The following ASH1L variants were observed in gnomAD, a reference collection of about 807,000 sequenced individuals.
The protein encoded by ASH1L is histone-lysine N-methyltransferase ASH1L.
ASH1L carries 23 observed loss-of-function variants against 269.0 expected under a neutral mutation model. The ratio of observed to expected loss-of-function variants is 0.09; its 90% CI spans 0.06 to 0.12. The LOEUF is 0.12. Ranked by LOEUF, ASH1L falls within the 10% of genes least tolerant of loss-of-function variation. The pLI, the probability that ASH1L is intolerant of heterozygous loss-of-function variation, is 1.00. For missense variants in ASH1L, 2,912 were observed against 3,567.8 expected (o/e 0.82, Z 4.68); for synonymous variants, 1,187 against 1,253.5 (o/e 0.95, Z 1.12).
intron 1 of ASH1L, among the ~76,000 whole-genome samples, chr1:155,524,514 TC>T (rs1048897130): frequency 8.7e-6 from 1 of 115,518 alleles, no homozygotes; most frequent in Admixed American, 1.0e-4. Context: ...AAAGCAAGAC[TC>T]CGTCTCAAAA....
intron 1 of ASH1L, among the ~76,000 whole-genome samples, chr1:155,522,087 C>A (rs1438797315): frequency 6.6e-6 from 1 of 152,192 alleles, no homozygotes; most frequent in African/African-American, 2.4e-5. Context: ...CCTGCATCAA[C>A]ATATCACGTT....
intron 1 of ASH1L, among the ~76,000 whole-genome samples, chr1:155,537,371 G>T (rs1571099885): frequency 6.6e-6 from 1 of 152,110 alleles, no homozygotes; most frequent in South Asian, 2.1e-4. Context: ...CCTACTAGGC[G>T]CCATACACTA....
In ASH1L at chr1:155,336,736, T is replaced by C. The variant is rs1326486456; in HGVS notation, c.*924A>G. 6.6e-6 allele frequency: 1 copy of C among 152,366 alleles called. No homozygotes were observed. The highest frequency in any genetic ancestry group is 1.5e-5 in the Non-Finnish European group (1 of 68,028). 9.4% of individuals were successfully genotyped at this position (152,366 alleles called of 1,614,324 possible). Reference sequence around the variant, plus strand: ...ATTGATAATCTATACTCACAACAAATACTCTGATAGGTGAATACTGCTGAA... The same window carrying C: ...ATTGATAATCTATACTCACAACAAACACTCTGATAGGTGAATACTGCTGAA... On this transcript the variant is annotated 3_prime_UTR_variant, in exon 28 of 28. Transcript: ENST00000392403.
chr1:155,457,086 A>G (rs778836769), intron 4 of ASH1L, among the ~76,000 whole-genome samples: 7 of 152,210 alleles, frequency 4.6e-5, no homozygotes, highest in Non-Finnish European at 8.8e-5. Context: ...CCTAGAGGGA[A>G]GGCAACATGG....
At chr1:155,485,986 A>G (rs762482739) in intron 2 of ASH1L, among the ~76,000 whole-genome samples, 34 of 152,344 alleles carry the variant, frequency 2.2e-4, no homozygotes, top group Non-Finnish European at 7.4e-5. Flanking sequence ...TCCTAAGAGT[A>G]AAGTGAAATA....
intron 5 of ASH1L, chr1:155,433,613 G>T: frequency 6.2e-7 from 1 of 1,609,384 alleles, no homozygotes; most frequent in Non-Finnish European, 8.5e-7. Flanking sequence ...TCTGCAGAAA[G>T]AACTCGAACA....
At position 155,521,359 on chromosome 1, in the gene ASH1L, C is replaced by T. The variant is rs1416735817; in HGVS notation, c.161G>A (p.Arg54Gln). 1.9e-6 allele frequency: 3 copies of T among 1,614,110 alleles called. No homozygotes were observed. Among genetic ancestry groups the T allele is most frequent in the Non-Finnish European group, 2.5e-6 (3 of 1,180,014 alleles). ...TTTCCCAGCTTCGATGTTTCTTTCTCGATTCCGTTTGCGAAGGTCCTCTTC... is the reference window on the plus strand; with the variant it reads ...TTTCCCAGCTTCGATGTTTCTTTCTTGATTCCGTTTGCGAAGGTCCTCTTC... ...KEEEDLRKRNRERNIEAGKDD... is the reference protein window; with the variant it reads ...KEEEDLRKRNQERNIEAGKDD... Residue 54 changes from arginine to glutamine, a missense_variant, in exon 2 of 28, where the codon CGA (arginine) becomes CAA (glutamine). This residue lies in a region of ASH1L where 115 missense variants were observed against 101.5 expected (regional missense o/e 1.13). Transcript: ENST00000392403.
At chr1:155,520,704 AAC>A (rs1056130994) in intron 2 of ASH1L, among the ~76,000 whole-genome samples, 3 of 151,866 alleles carry the variant, frequency 2.0e-5, no homozygotes, top group Non-Finnish European at 4.4e-5. Flanking sequence ...CTCTACTAAA[AAC>A]ACAAAATTAG....
chr1:155,556,064 A>G (rs1427680602), intron 1 of ASH1L, among the ~76,000 whole-genome samples: 1 of 152,136 alleles, frequency 6.6e-6, no homozygotes, highest in Non-Finnish European at 1.5e-5. Flanking sequence ...CTTTATTTCT[A>G]TATATGTTTG....
intron 1 of ASH1L, among the ~76,000 whole-genome samples, chr1:155,543,675 T>C (rs1462513729): frequency 6.6e-6 from 1 of 152,044 alleles, no homozygotes; most frequent in Admixed American, 6.6e-5. Flanking sequence ...CTCACATCTA[T>C]AATCCCAGCA....
chr1:155,506,940 A>G (rs1258495207), intron 2 of ASH1L, among the ~76,000 whole-genome samples: 1 of 152,104 alleles, frequency 6.6e-6, no homozygotes, highest in African/African-American at 2.4e-5. Flanking sequence ...AAAAAGAAAA[A>G]TATTTAACTT....
chr1:155,508,869 A>T (rs773994575), intron 2 of ASH1L, among the ~76,000 whole-genome samples: 5 of 152,160 alleles, frequency 3.3e-5, no homozygotes, highest in Non-Finnish European at 5.9e-5. Flanking sequence ...GCACAATAAT[A>T]CAGTGGGTAA....
intron 7 of ASH1L, among the ~76,000 whole-genome samples, chr1:155,395,155 ACTC>A (rs1414107370): frequency 6.6e-6 from 1 of 151,912 alleles, no homozygotes; most frequent in Non-Finnish European, 1.5e-5. Flanking sequence ...CAGGCCATCA[ACTC>A]CTGGGCTCAA....
At chr1:155,437,561 T>G (rs1375217863) in intron 5 of ASH1L, among the ~76,000 whole-genome samples, 2 of 152,088 alleles carry the variant, frequency 1.3e-5, no homozygotes, top group Non-Finnish European at 2.9e-5. Flanking sequence ...CTCAAAAAAT[T>G]AAAAATAGAA....
chr1:155,357,505 T>C, intron 14 of ASH1L, 80 bp downstream of exon 14: 1 of 1,598,136 alleles, frequency 6.3e-7, no homozygotes, highest in Non-Finnish European at 8.6e-7. Context: ...TGCCACCCTC[T>C]GGTAATTCCC....
chr1:155,436,182 TTTTA>T (rs539380944), intron 5 of ASH1L, among the ~76,000 whole-genome samples: 1 of 152,118 alleles, frequency 6.6e-6, no homozygotes, highest in African/African-American at 2.4e-5. Context: ...ACAGTTTTAT[TTTTA>T]TTTATTTATT....
chr1:155,502,076 T>C lies in ASH1L; in HGVS notation c.420+19024A>G, dbSNP rs186496044. ...GTTTTCTTTTCTTTTCTTTTCTTTT[T>C]TTTTTTTTTTTTGAGACAGAGTCTC... On this transcript the variant is annotated intron_variant, in intron 2 of 27. Coordinates refer to ENST00000392403, the MANE Select transcript of ASH1L (RefSeq NM_018489.3). 5.7e-4 allele frequency among the ~76,000 whole-genome samples: 80 copies of C among 139,798 alleles called. 1 individual carries two copies. Among genetic ancestry groups the C allele is most frequent in the African/African-American group, 1.6e-3 (65 of 40,074 alleles). The allele number at this position is 139,798 out of a possible 152,430, so 91.7% of individuals were successfully genotyped here.
intron 6 of ASH1L, among the ~76,000 whole-genome samples, chr1:155,404,838 GC>G (rs1291975564): frequency 6.6e-6 from 1 of 151,598 alleles, no homozygotes; most frequent in African/African-American, 2.4e-5. Flanking sequence ...GACCGTCCTG[GC>G]CAACACGGTG....
At chr1:155,517,565 A>G (rs1668575018) in intron 2 of ASH1L, among the ~76,000 whole-genome samples, 1 of 151,886 alleles carries the variant, frequency 6.6e-6, no homozygotes, top group Non-Finnish European at 1.5e-5. Context: ...ACTTGAACCC[A>G]GGAGGCAGAG....
Sources: gnomAD v4.1 joint callset for allele counts (sites outside exome capture counted in the v4.1 genomes callset) on GRCh38, gnomAD v4.1.1 for gene constraint, gnomAD v4.1.1 regional missense constraint, MANE v1.5 for transcripts, NCBI Gene and HGNC (gene_info 2026-07-23, HGNC 2026-07-21) for gene names.